Variants in IFT81 observed in about 807,000 individuals in gnomAD.
IFT81 encodes the protein intraflagellar transport 81.
In IFT81, 72 loss-of-function variants were observed where a neutral mutation model predicts 102.6. That is an observed-to-expected ratio of 0.70 (90% CI 0.58 to 0.85). The LOEUF is 0.85. IFT81 is among the 40% of genes least tolerant of loss of function. The pLI is 0.00. For synonymous variants in IFT81, 237 were observed against 242.7 expected (o/e 0.98, Z 0.22); for missense variants, 723 against 787.3 (o/e 0.92, Z 0.98).
intron 11 of IFT81, among the ~76,000 whole-genome samples, chr12:110,172,950 A>AGG (rs1896826129): frequency 9.9e-6 from 1 of 101,074 alleles, no homozygotes; most frequent in African/African-American, 3.7e-5. Context: ...GGTGGGGGTC[A>AGG]GCCCCCGCCA....
At chr12:110,156,266 C>T (rs1201333144) in intron 10 of IFT81, among the ~76,000 whole-genome samples, 1 of 152,174 alleles carries the variant, frequency 6.6e-6, no homozygotes, top group Non-Finnish European at 1.5e-5. Context: ...AGTGGATTTA[C>T]AGACCGTTGT....
chr12:110,154,837 C>T (rs1895749727), intron 10 of IFT81, among the ~76,000 whole-genome samples: 1 of 152,064 alleles, frequency 6.6e-6, no homozygotes. Context: ...GGCTGGAGTG[C>T]AGTGGTGAGA....
intron 14 of IFT81, among the ~76,000 whole-genome samples, chr12:110,201,306 G>A (rs1201817037): frequency 6.6e-6 from 1 of 151,732 alleles, no homozygotes; most frequent in Admixed American, 6.6e-5. Flanking sequence ...GGAAGCTGAG[G>A]CAGGAGAATC....
chr12:110,165,006 G>A (rs3932915), intron 11 of IFT81, among the ~76,000 whole-genome samples: 8,242 of 151,788 alleles, frequency 0.054, 312 homozygotes, highest in African/African-American at 0.11. Context: ...CTATGCAAAT[G>A]TGAGGGAAAA....
At chr12:110,188,027 A>G (rs1053410708) in intron 12 of IFT81, among the ~76,000 whole-genome samples, 1 of 152,118 alleles carries the variant, frequency 6.6e-6, no homozygotes, top group Non-Finnish European at 1.5e-5. Context: ...ATCTTTGCTC[A>G]GCTCTTTAAT....
chr12:110,141,091 C>G (rs1894862265), intron 8 of IFT81, among the ~76,000 whole-genome samples: 5 of 152,048 alleles, frequency 3.3e-5, no homozygotes, highest in South Asian at 4.2e-4. Context: ...ATGGCATGAT[C>G]TTGGCTCACC....
chr12:110,192,730 A>T, intron 14 of IFT81, 24 bp downstream of exon 14: 1 of 1,301,812 alleles, frequency 7.7e-7, no homozygotes, highest in Non-Finnish European at 1.1e-6. Flanking sequence ...TTTATCAAGT[A>T]ATTTGATTTT....
At position 110,209,183 on chromosome 12, in the gene IFT81, C is replaced by CA; in HGVS notation, c.1820dup (p.Asn607LysfsTer4). 1 of 1,546,850 alleles carries CA rather than the reference C, an allele frequency of 6.5e-7. No individual in the cohort carries two copies. The highest frequency in any genetic ancestry group is 8.9e-7 in the Non-Finnish European group (1 of 1,123,782). On this transcript the variant is annotated frameshift_variant, in exon 18 of 19. Transcript: ENST00000242591. LOFTEE classifies it high-confidence loss of function. Reference sequence around the variant, plus strand: ...GTTGACTCCCTAGGGAACAGTATACCAAAAATACTGCTGAACAAGAAAACC... The same window carrying CA: ...GTTGACTCCCTAGGGAACAGTATACCAAAAAATACTGCTGAACAAGAAAACC...
chr12:110,160,741 T>C (rs1896086815), intron 10 of IFT81, among the ~76,000 whole-genome samples: 2 of 152,244 alleles, frequency 1.3e-5, no homozygotes, highest in Admixed American at 1.3e-4. Context: ...CTTTTATAAA[T>C]CAGGGCTTTT....
intron 14 of IFT81, among the ~76,000 whole-genome samples, chr12:110,200,004 CTG>C (rs1355494830): frequency 1.3e-5 from 2 of 152,240 alleles, no homozygotes; most frequent in Non-Finnish European, 2.9e-5. Flanking sequence ...ATTAAAATCA[CTG>C]TGTTACCAAG....
intron 11 of IFT81, among the ~76,000 whole-genome samples, chr12:110,179,773 T>TATACACAC (rs774113734): frequency 5.8e-4 from 29 of 50,410 alleles, no homozygotes; most frequent in Non-Finnish European, 1.0e-3. Context: ...TATATATATA[T>TATACACAC]ACACACACAC....
Position 110,218,284 on chromosome 12 carries a change from A to C in IFT81, c.*58A>C. The C allele has an allele frequency of 2.0e-3, 2,519 of 1,233,430 alleles. No homozygotes were observed. The highest frequency in any genetic ancestry group is 2.5e-3 in the Non-Finnish European group (2,329 of 917,368). 76.4% of individuals were successfully genotyped at this position (1,233,430 alleles called of 1,614,324 possible). A position where few individuals can be genotyped will look rare whatever the true frequency, so the allele number is the denominator to read the frequency against. ...TACCACTAGCTATAAGCCTAATCTC[A>C]TAATGTATTTCTTTTTTGAAACTGA... is the stretch of plus-strand genomic sequence containing the variant. On this transcript the variant is annotated 3_prime_UTR_variant, in exon 19 of 19. Transcript: ENST00000242591.
chr12:110,197,555 CATATATATAT>C (rs141544205), intron 14 of IFT81, among the ~76,000 whole-genome samples: 4 of 108,808 alleles, frequency 3.7e-5, no homozygotes, highest in East Asian at 2.6e-4. Context: ...AGGTTTTTAT[CATATATATAT>C]ATATATATAT....
chr12:110,166,989 T>A (rs1184668170), intron 11 of IFT81, among the ~76,000 whole-genome samples: 1 of 152,060 alleles, frequency 6.6e-6, no homozygotes, highest in Non-Finnish European at 1.5e-5. Flanking sequence ...ATACAGTGAT[T>A]TATATTCTTT....
At chr12:110,133,360 T>C (rs1333370926) in intron 5 of IFT81, among the ~76,000 whole-genome samples, 3 of 151,716 alleles carry the variant, frequency 2.0e-5, no homozygotes, top group South Asian at 4.2e-4. Flanking sequence ...TGGTAGCTCA[T>C]GCCTGTAATC....
At chr12:110,146,911 G>A in intron 9 of IFT81, 42 bp from the exon 10 acceptor site, 1 of 1,565,738 alleles carries the variant, frequency 6.4e-7, no homozygotes, top group Non-Finnish European at 8.6e-7. Context: ...GTACTTATAG[G>A]GAAAGTTTTA....
intron 10 of IFT81, among the ~76,000 whole-genome samples, chr12:110,161,492 G>A (rs1166182791): frequency 6.6e-6 from 1 of 151,506 alleles, no homozygotes; most frequent in Non-Finnish European, 1.5e-5. Context: ...CACCCAGGCT[G>A]GAGTGTAGTG....
At chr12:110,137,434 G>C (rs951626292) in intron 8 of IFT81, among the ~76,000 whole-genome samples, 4 of 151,998 alleles carry the variant, frequency 2.6e-5, no homozygotes, top group African/African-American at 4.8e-5. Context: ...GTTTGTGCTT[G>C]TATAAAGGAC....
intron 11 of IFT81, among the ~76,000 whole-genome samples, chr12:110,178,807 G>T: frequency 1.3e-5 from 2 of 149,662 alleles, no homozygotes; most frequent in Non-Finnish European, 3.0e-5. Context: ...AGTAGAGATG[G>T]GGTTTCACCA....
Sources: allele counts gnomAD v4.1 joint callset (sites outside exome capture counted in the v4.1 genomes callset), GRCh38; gene constraint gnomAD v4.1.1; transcripts MANE v1.5; gene names NCBI Gene and HGNC (gene_info 2026-07-23, HGNC 2026-07-21).